CAST: variants seen among roughly 807,000 people sequenced by gnomAD.
CAST encodes calpastatin, also known as MIR583 host.
In CAST, 76 loss-of-function variants were observed where a neutral mutation model predicts 119.6. The ratio of observed to expected loss-of-function variants is 0.64; its 90% confidence interval spans 0.53 to 0.77. The LOEUF is 0.77. Among genes scored for constraint, CAST ranks in the 30% least tolerant of loss-of-function variants. The pLI, the probability that CAST is intolerant of heterozygous loss-of-function variation, is 0.00. For synonymous variants in CAST, 319 were observed against 331.6 expected, an observed-to-expected ratio of 0.96 and a Z score of 0.41; for missense variants, 953 against 946.5, an observed-to-expected ratio of 1.01 and a Z score of -0.09.
intron 1 of CAST, among the ~76,000 whole-genome samples, chr5:96,587,748 A>T (rs1008323018): frequency 6.6e-6 from 1 of 152,232 alleles, no homozygotes; most frequent in Admixed American, 6.5e-5. Flanking sequence ...ATGCTGATTG[A>T]GAAACATTGA....
At chr5:96,669,412 G>A (rs1400703596) in intron 1 of CAST, among the ~76,000 whole-genome samples, 1 of 152,090 alleles carries the variant, frequency 6.6e-6, no homozygotes, top group African/African-American at 2.4e-5. Flanking sequence ...ATGTTTATAG[G>A]TTTGTGGGAA....
intron 1 of CAST, among the ~76,000 whole-genome samples, chr5:96,668,044 G>C (rs764168136): frequency 9.9e-5 from 15 of 152,014 alleles, no homozygotes; most frequent in Non-Finnish European, 1.9e-4. Flanking sequence ...AAATAAATAA[G>C]TATAATGACC....
At position 96,773,843 on chromosome 5, in the gene CAST, G is replaced by A. The variant is rs778990695; in HGVS notation, c.*1227G>A. ...ATTGGGAATTTATTGTTTCCAAAGGGCATGGCCTTCCTTAGCATCAGTTTG... is the reference window on the plus strand; with the variant it reads ...ATTGGGAATTTATTGTTTCCAAAGGACATGGCCTTCCTTAGCATCAGTTTG... On this transcript the variant is annotated 3_prime_UTR_variant, in exon 32 of 32. Transcript: ENST00000675179. 3 of 152,226 alleles carry A rather than the reference G, an allele frequency of 2.0e-5. No homozygotes were observed. The highest frequency in any genetic ancestry group is 4.4e-5 in the Non-Finnish European group (3 of 68,022). The allele number at this position is 152,226 out of a possible 1,614,324, so 9.4% of individuals were successfully genotyped here.
intron 1 of CAST, among the ~76,000 whole-genome samples, chr5:96,619,578 C>T (rs568967421): frequency 6.6e-6 from 1 of 152,198 alleles, no homozygotes; most frequent in African/African-American, 2.4e-5. Context: ...TCTTGCTGTT[C>T]CTCACTGTTT....
At chr5:96,688,865 T>C (rs1439875291) in intron 2 of CAST, among the ~76,000 whole-genome samples, 2 of 152,188 alleles carry the variant, frequency 1.3e-5, no homozygotes, top group East Asian at 1.9e-4. Context: ...AAAGTACCCA[T>C]GCATGTATCT....
At chr5:96,621,205 G>C (rs1285620356) in intron 1 of CAST, among the ~76,000 whole-genome samples, 3 of 152,154 alleles carry the variant, frequency 2.0e-5, no homozygotes, top group Non-Finnish European at 2.9e-5. Flanking sequence ...GAAAGGTTTT[G>C]TCTCTCATTA....
intron 1 of CAST, among the ~76,000 whole-genome samples, chr5:96,602,141 A>T (rs1747165439): frequency 6.6e-6 from 1 of 152,218 alleles, no homozygotes; most frequent in Admixed American, 6.5e-5. Context: ...TACTCAAAGG[A>T]GTGCTCTGAC....
At chr5:95,976,482 G>A in the CAST span, among the ~76,000 whole-genome samples, 1 of 152,090 alleles carries the variant, frequency 6.6e-6, no homozygotes, top group South Asian at 2.1e-4. Context: ...TGTGGTTCAT[G>A]TATATAGCTG....
the CAST span, among the ~76,000 whole-genome samples, chr5:96,055,416 G>T: frequency 8.0e-3 from 1,216 of 152,216 alleles, 19 homozygotes; most frequent in African/African-American, 0.028. Flanking sequence ...TTACTAGATG[G>T]TGTTGTTCCT....
chr5:96,290,828 T>G, the CAST span, among the ~76,000 whole-genome samples: 1 of 152,220 alleles, frequency 6.6e-6, no homozygotes, highest in South Asian at 2.1e-4. Context: ...GCACCTCACC[T>G]CCTGGTGTTC....
the CAST span, among the ~76,000 whole-genome samples, chr5:96,169,237 G>C: frequency 1.3e-5 from 2 of 152,172 alleles, no homozygotes; most frequent in African/African-American, 4.8e-5. Context: ...TGAGATAATG[G>C]GGGCTGTCTG....
chr5:96,224,679 T>A, the CAST span, among the ~76,000 whole-genome samples: 12 of 152,120 alleles, frequency 7.9e-5, no homozygotes, highest in Admixed American at 7.9e-4. Flanking sequence ...CAGAATCCTG[T>A]CCCCTAGCAC....
chr5:96,428,639 A>G, the CAST span, among the ~76,000 whole-genome samples: 1 of 152,190 alleles, frequency 6.6e-6, no homozygotes, highest in South Asian at 2.1e-4. Flanking sequence ...CCAACAATAG[A>G]TTACTTATGG....
chr5:96,143,318 G>C, the CAST span, among the ~76,000 whole-genome samples: 1 of 152,176 alleles, frequency 6.6e-6, no homozygotes, highest in African/African-American at 2.4e-5. Context: ...TGGGTTAACT[G>C]AGACTCCACT....
chr5:96,293,106 C>CAA, the CAST span, among the ~76,000 whole-genome samples: 2 of 152,174 alleles, frequency 1.3e-5, no homozygotes, highest in African/African-American at 4.8e-5. Context: ...CCAGTGGCCT[C>CAA]CATTCACATG....
At chr5:96,576,872 G>T (rs62365745) in intron 1 of CAST, among the ~76,000 whole-genome samples, 14,222 of 152,004 alleles carry the variant, frequency 0.094, 842 homozygotes, top group Non-Finnish European at 0.14. Flanking sequence ...AGGATGTGTA[G>T]GTTTGTTACA....
At chr5:96,055,319 C>G in the CAST span, among the ~76,000 whole-genome samples, 1 of 152,038 alleles carries the variant, frequency 6.6e-6, no homozygotes, top group Non-Finnish European at 1.5e-5. Flanking sequence ...ATTAAGATGA[C>G]ATTATCTTTT....
chr5:96,290,793 G>A, the CAST span, among the ~76,000 whole-genome samples: 1 of 152,228 alleles, frequency 6.6e-6, no homozygotes, highest in Non-Finnish European at 1.5e-5. Flanking sequence ...GAAGTAGCAA[G>A]CTGTGGTAGC....
At chr5:96,766,267 G>A in intron 27 of CAST, 122 bp downstream of exon 27, 1 of 594,066 alleles carries the variant, frequency 1.7e-6, no homozygotes, top group South Asian at 2.2e-5. Flanking sequence ...ATGACTGACT[G>A]CTTCTAATGT....
Sources: gnomAD v4.1 joint callset for allele counts (sites outside exome capture counted in the v4.1 genomes callset) on GRCh38, gnomAD v4.1.1 for gene constraint, MANE v1.5 for transcripts, NCBI Gene and HGNC (gene_info 2026-07-23, HGNC 2026-07-21) for gene names.